Variants in MAML2 observed in about 807,000 individuals in gnomAD.
The protein encoded by MAML2 is mastermind like transcriptional coactivator 2.
A neutral mutation model predicts 96.1 loss-of-function variants in MAML2; 22 were observed. The observed-to-expected ratio is 0.23, with a 90% CI of 0.16 to 0.33. The LOEUF (loss-of-function observed/expected upper bound fraction) is 0.33, where lower values mean the gene tolerates loss of function less well. Ranked by LOEUF, MAML2 falls within the 10% of genes least tolerant of loss-of-function variation. The pLI is 1.00. For missense variants in MAML2, 1,367 were observed against 1,392.4 expected (o/e 0.98, Z 0.29); for synonymous variants, 561 against 521.3 (o/e 1.08, Z -1.04).
At chr11:96,333,849 T>C (rs951801357) in intron 1 of MAML2, among the ~76,000 whole-genome samples, 3 of 152,248 alleles carry the variant, frequency 2.0e-5, no homozygotes, top group African/African-American at 7.2e-5. Flanking sequence ...ATTAAATTGG[T>C]AAGTTTGTCT....
At chr11:96,190,181 T>C (rs1290635933) in intron 1 of MAML2, among the ~76,000 whole-genome samples, 2 of 151,954 alleles carry the variant, frequency 1.3e-5, no homozygotes, top group African/African-American at 4.8e-5. Flanking sequence ...TGAGGTGAGG[T>C]TTTTGGGGAG....
intron 1 of MAML2, among the ~76,000 whole-genome samples, chr11:96,283,932 A>G (rs547065487): frequency 6.6e-6 from 1 of 152,166 alleles, no homozygotes; most frequent in South Asian, 2.1e-4. Context: ...CTCATCTCCT[A>G]CTTAATCCAC....
chr11:96,254,110 G>C (rs1862627264), intron 1 of MAML2, among the ~76,000 whole-genome samples: 1 of 152,106 alleles, frequency 6.6e-6, no homozygotes, highest in South Asian at 2.1e-4. Flanking sequence ...AAACACACAG[G>C]GGAAAGTGAT....
At chr11:96,164,339 A>G (rs76493778) in intron 1 of MAML2, among the ~76,000 whole-genome samples, 1,985 of 152,306 alleles carry the variant, frequency 0.013, 43 homozygotes, top group African/African-American at 0.046. Flanking sequence ...TTCAGTTTAA[A>G]GGTGAAGAAA....
At chr11:96,121,809 C>G (rs1259229355) in intron 1 of MAML2, among the ~76,000 whole-genome samples, 1 of 10,284 alleles carries the variant, frequency 9.7e-5, no homozygotes, top group South Asian at 2.4e-3. Flanking sequence ...TTTTTTGAGA[C>G]GGAGTCTTGC....
intron 3 of MAML2, among the ~76,000 whole-genome samples, chr11:95,986,142 G>C (rs998077862): frequency 6.6e-6 from 1 of 152,166 alleles, no homozygotes; most frequent in African/African-American, 2.4e-5. Context: ...GAAAGCATAG[G>C]AGGTAGGGTT....
chr11:96,014,658 C>A (rs1858315669), intron 2 of MAML2, among the ~76,000 whole-genome samples: 1 of 152,238 alleles, frequency 6.6e-6, no homozygotes, highest in Admixed American at 6.5e-5. Context: ...TCACCTCACA[C>A]AAACATACTT....
intron 2 of MAML2, among the ~76,000 whole-genome samples, chr11:96,051,972 C>G (rs1433908540): frequency 6.6e-6 from 1 of 152,188 alleles, no homozygotes; most frequent in Non-Finnish European, 1.5e-5. Flanking sequence ...CGTTTAGAAA[C>G]TAGACTATGA....
At chr11:96,082,662 C>T (rs893693806) in intron 2 of MAML2, among the ~76,000 whole-genome samples, 4 of 152,164 alleles carry the variant, frequency 2.6e-5, no homozygotes, top group East Asian at 1.9e-4. Flanking sequence ...ATAACTAGAA[C>T]GCCAGTTACT....
chr11:96,120,061 C>A (rs1229028929), intron 1 of MAML2, among the ~76,000 whole-genome samples: 17 of 151,592 alleles, frequency 1.1e-4, no homozygotes, highest in Admixed American at 1.1e-3. Flanking sequence ...AGGTTCACGC[C>A]ATTCTCCTGC....
chr11:96,219,254 T>C (rs981634585), intron 1 of MAML2, among the ~76,000 whole-genome samples: 1 of 152,220 alleles, frequency 6.6e-6, no homozygotes, highest in African/African-American at 2.4e-5. Flanking sequence ...AGAGATAAAA[T>C]ATGACATCTT....
At chr11:96,258,323 T>G (rs1256189094) in intron 1 of MAML2, among the ~76,000 whole-genome samples, 1 of 152,164 alleles carries the variant, frequency 6.6e-6, no homozygotes, top group African/African-American at 2.4e-5. Context: ...GGGAGAAAAC[T>G]ACGACAAAAA....
At chr11:96,151,016 A>T (rs1342846611) in intron 1 of MAML2, among the ~76,000 whole-genome samples, 1 of 152,228 alleles carries the variant, frequency 6.6e-6, no homozygotes, top group Non-Finnish European at 1.5e-5. Flanking sequence ...ATGCACATTA[A>T]AGTCTGAAAA....
intron 1 of MAML2, among the ~76,000 whole-genome samples, chr11:96,164,564 A>T (rs1861161695): frequency 6.6e-6 from 1 of 152,194 alleles, no homozygotes; most frequent in Non-Finnish European, 1.5e-5. Flanking sequence ...CATGCTCTTG[A>T]TCTTCTTTTT....
chr11:96,028,540 T>C (rs934913428), intron 2 of MAML2, among the ~76,000 whole-genome samples: 2 of 152,228 alleles, frequency 1.3e-5, no homozygotes, highest in African/African-American at 4.8e-5. Flanking sequence ...TGAAAGCCTA[T>C]GACTGTCTTT....
At chr11:96,252,076 T>C (rs1591096893) in intron 1 of MAML2, among the ~76,000 whole-genome samples, 1 of 152,130 alleles carries the variant, frequency 6.6e-6, no homozygotes, top group Non-Finnish European at 1.5e-5. Context: ...AAGACACTCC[T>C]GGTTGTATGG....
chr11:95,999,740 C>T (rs766507257), intron 2 of MAML2, among the ~76,000 whole-genome samples: 32 of 152,152 alleles, frequency 2.1e-4, no homozygotes, highest in African/African-American at 7.7e-4. Flanking sequence ...AGTATTTTGG[C>T]GTGGGATGAC....
At chr11:96,037,044 T>C (rs1397949224) in intron 2 of MAML2, among the ~76,000 whole-genome samples, 1 of 152,226 alleles carries the variant, frequency 6.6e-6, no homozygotes, top group Non-Finnish European at 1.5e-5. Context: ...GTTCCTGCAC[T>C]GCCGTCGGGA....
chr11:96,267,555 GC>G (rs1565267561), intron 1 of MAML2, among the ~76,000 whole-genome samples: 1 of 152,192 alleles, frequency 6.6e-6, no homozygotes, highest in African/African-American at 2.4e-5. Flanking sequence ...AATGCTTACC[GC>G]ACATGGTGCT....
Sources: allele counts gnomAD v4.1 joint callset (sites outside exome capture counted in the v4.1 genomes callset), GRCh38; gene constraint gnomAD v4.1.1; transcripts MANE v1.5; gene names NCBI Gene and HGNC (gene_info 2026-07-23, HGNC 2026-07-21).